The following VPS13B variants were observed in gnomAD, a reference collection of about 807,000 sequenced individuals.
The protein encoded by VPS13B is intermembrane lipid transfer protein VPS13B.
A neutral mutation model predicts 426.4 loss-of-function variants in VPS13B; 285 were observed. The ratio of observed to expected loss-of-function variants is 0.67; its 90% CI spans 0.61 to 0.74. The LOEUF is 0.74. VPS13B is among the 30% of genes least tolerant of loss of function. The probability of loss-of-function intolerance (pLI) is 0.00; values close to 1 mark genes in which losing one functional copy is unlikely to be tolerated. For synonymous variants in VPS13B, 1,676 were observed against 1,676.4 expected, an observed-to-expected ratio of 1.00 and a Z score of 0.01; for missense variants, 4,537 against 4,782.6, an observed-to-expected ratio of 0.95 and a Z score of 1.51.
At chr8:99,647,845 G>C (rs1290278473) in intron 34 of VPS13B, among the ~76,000 whole-genome samples, 1 of 152,100 alleles carries the variant, frequency 6.6e-6, no homozygotes. Context: ...ATGGCTCTGG[G>C]TGATGCTTCT....
intron 21 of VPS13B, among the ~76,000 whole-genome samples, chr8:99,393,916 T>C (rs1814591014): frequency 6.6e-6 from 1 of 152,166 alleles, no homozygotes; most frequent in Non-Finnish European, 1.5e-5. Flanking sequence ...TTTTATGATT[T>C]CTTAGAGTGA....
rs199859400 is a variant in VPS13B, at chr8:99,716,278, CAT to C, written c.6455-892_6455-891del. ...TCAATGTGGTTACTGTACTTTAAAA[CAT>C]GTGTATACTGTGGGCCTAAGGTGTT... On this transcript the variant is annotated intron_variant, in intron 36 of 61. Coordinates refer to ENST00000357162, the MANE Select transcript of VPS13B (RefSeq NM_152564.5). Among the ~76,000 whole-genome samples, 199 of 152,182 alleles carry C rather than the reference CAT, an allele frequency of 1.3e-3. 1 individual carries two copies. Among genetic ancestry groups the C allele is most frequent in the South Asian group, 4.1e-4 (2 of 4,828 alleles).
intron 19 of VPS13B, among the ~76,000 whole-genome samples, chr8:99,383,447 T>A (rs1813940502): frequency 6.6e-6 from 1 of 152,208 alleles, no homozygotes; most frequent in Admixed American, 6.5e-5. Flanking sequence ...GAGCTTATTA[T>A]TATATTTTAT....
intron 32 of VPS13B, among the ~76,000 whole-genome samples, chr8:99,576,739 TTC>T (rs1343925275): frequency 2.0e-5 from 3 of 152,176 alleles, no homozygotes; most frequent in Non-Finnish European, 2.9e-5. Flanking sequence ...TTTTGTTTTG[TTC>T]TGTTTTCCTT....
chr8:99,697,819 G>C, intron 35 of VPS13B: 1 of 598,952 alleles, frequency 1.7e-6, no homozygotes, highest in East Asian at 4.2e-5. Flanking sequence ...CAGAAAGCAA[G>C]CTCACCAGCC....
intron 33 of VPS13B, among the ~76,000 whole-genome samples, chr8:99,583,384 A>G (rs1036128524): frequency 2.0e-5 from 3 of 152,222 alleles, no homozygotes; most frequent in Non-Finnish European, 4.4e-5. Context: ...GTATAATAGT[A>G]TAGAAAAATG....
intron 39 of VPS13B, among the ~76,000 whole-genome samples, chr8:99,741,969 AAGATC>A (rs1298058437): frequency 6.6e-6 from 1 of 152,198 alleles, no homozygotes; most frequent in Non-Finnish European, 1.5e-5. Flanking sequence ...AGAAATAACT[AAGATC>A]AGAGCAGAAC....
intron 54 of VPS13B, among the ~76,000 whole-genome samples, chr8:99,846,524 T>G (rs1815992025): frequency 6.6e-6 from 1 of 152,212 alleles, no homozygotes; most frequent in South Asian, 2.1e-4. Context: ...TACCTAACTA[T>G]CTAACCCCTA....
intron 19 of VPS13B, among the ~76,000 whole-genome samples, chr8:99,308,624 G>A (rs528248863): frequency 5.9e-5 from 9 of 152,152 alleles, no homozygotes; most frequent in Non-Finnish European, 1.2e-4. Context: ...ATTGTGAATA[G>A]TGCCGCAATA....
chr8:99,714,874 C>T (rs1051514001), intron 36 of VPS13B, among the ~76,000 whole-genome samples: 7 of 151,954 alleles, frequency 4.6e-5, no homozygotes, highest in African/African-American at 1.5e-4. Flanking sequence ...CAGTATGGAT[C>T]CTAGGTTGAA....
intron 43 of VPS13B, among the ~76,000 whole-genome samples, chr8:99,788,161 C>T (rs1451147209): frequency 6.6e-6 from 1 of 151,028 alleles, no homozygotes; most frequent in African/African-American, 2.4e-5. Flanking sequence ...CTTCTCAAGA[C>T]CAGCCTGGGC....
intron 33 of VPS13B, among the ~76,000 whole-genome samples, chr8:99,633,653 G>C (rs1022922261): frequency 6.6e-6 from 1 of 151,990 alleles, no homozygotes; most frequent in Non-Finnish European, 1.5e-5. Context: ...TCAGTGGAAT[G>C]AACCTTGGAT....
At chr8:99,127,426 C>T (rs1588067650) in intron 8 of VPS13B, among the ~76,000 whole-genome samples, 2 of 152,118 alleles carry the variant, frequency 1.3e-5, no homozygotes, top group Admixed American at 6.5e-5. Context: ...TTTTTCTTTG[C>T]AGTTGTGCAC....
chr8:99,672,684 A>G (rs1309132209), intron 35 of VPS13B, among the ~76,000 whole-genome samples: 1 of 152,070 alleles, frequency 6.6e-6, no homozygotes. Context: ...ACTATGTGGA[A>G]TAAGAGTGGT....
chr8:99,260,152 G>A (rs1817967708), intron 17 of VPS13B, among the ~76,000 whole-genome samples: 2 of 152,086 alleles, frequency 1.3e-5, no homozygotes, highest in African/African-American at 2.4e-5. Flanking sequence ...CTGGAAGGTG[G>A]TTATAAAGAA....
At chr8:99,787,939 T>C (rs1812347383) in intron 43 of VPS13B, among the ~76,000 whole-genome samples, 1 of 152,162 alleles carries the variant, frequency 6.6e-6, no homozygotes, top group African/African-American at 2.4e-5. Flanking sequence ...AATGACTTAA[T>C]TGTGGTAATC....
intron 33 of VPS13B, among the ~76,000 whole-genome samples, chr8:99,614,250 T>TAC (rs1239592012): frequency 4.8e-5 from 7 of 145,298 alleles, no homozygotes; most frequent in Non-Finnish European, 1.0e-4. Context: ...TTTTAAATTT[T>TAC]ATACACACAC....
chr8:99,085,065 C>G (rs1246987093), intron 3 of VPS13B, among the ~76,000 whole-genome samples: 1 of 151,912 alleles, frequency 6.6e-6, no homozygotes, highest in Non-Finnish European at 1.5e-5. Context: ...TTAACATCTC[C>G]CATTATTATT....
At chr8:99,117,046 A>G in intron 7 of VPS13B, among the ~76,000 whole-genome samples, 1 of 46,932 alleles carries the variant, frequency 2.1e-5, no homozygotes, top group Admixed American at 1.3e-4. Flanking sequence ...ATGTAGAAAG[A>G]TGAAAGGATG....
Sources: gnomAD v4.1 joint callset for allele counts (sites outside exome capture counted in the v4.1 genomes callset) on GRCh38, gnomAD v4.1.1 for gene constraint, MANE v1.5 for transcripts, NCBI Gene and HGNC (gene_info 2026-07-23, HGNC 2026-07-21) for gene names.